TRDN: variants seen among roughly 807,000 people sequenced by gnomAD.
TRDN encodes the protein triadin in skeletal muscle.
A neutral mutation model predicts 149.7 loss-of-function variants in TRDN; 161 were observed. That is an observed-to-expected ratio of 1.08 (90% confidence interval 0.95 to 1.23). TRDN has a LOEUF of 1.23. TRDN is among the 50% of genes most tolerant of loss of function. The pLI, the probability that TRDN is intolerant of heterozygous loss-of-function variation, is 0.00. For synonymous variants in TRDN, 294 were observed against 250.5 expected (o/e 1.17, Z -1.64); for missense variants, 896 against 823.5 (o/e 1.09, Z -1.08).
intron 12 of TRDN, among the ~76,000 whole-genome samples, chr6:123,396,527 T>C (rs1357478337): frequency 6.6e-6 from 1 of 152,226 alleles, no homozygotes. Context: ...AATAGTATTT[T>C]GGACTTTTAA....
At chr6:123,256,326 T>C (rs1776561703) in intron 35 of TRDN, among the ~76,000 whole-genome samples, 1 of 152,170 alleles carries the variant, frequency 6.6e-6, no homozygotes, top group Admixed American at 6.6e-5. Context: ...ATTTTCTTTA[T>C]GCAGTCTATC....
intron 1 of TRDN, among the ~76,000 whole-genome samples, chr6:123,602,898 C>A: frequency 6.6e-6 from 1 of 152,016 alleles, no homozygotes; most frequent in South Asian, 2.1e-4. Context: ...ACATCAACGA[C>A]TTCATGCTAT....
chr6:123,558,295 C>T (rs1275772862), intron 2 of TRDN, among the ~76,000 whole-genome samples: 1 of 151,998 alleles, frequency 6.6e-6, no homozygotes, highest in Admixed American at 6.5e-5. Context: ...CCAGGCTGCT[C>T]ATCGCCAGGC....
intron 2 of TRDN, among the ~76,000 whole-genome samples, chr6:123,549,155 G>T (rs1781265038): frequency 6.6e-6 from 1 of 151,880 alleles, no homozygotes; most frequent in Admixed American, 6.6e-5. Context: ...GGAATAGGTT[G>T]GATTTATCTT....
chr6:123,524,627 A>G (rs1779856334), intron 5 of TRDN, among the ~76,000 whole-genome samples: 1 of 152,138 alleles, frequency 6.6e-6, no homozygotes, highest in African/African-American at 2.4e-5. Context: ...GAAAAGCAAA[A>G]CAAAAACAAA....
chr6:123,577,376 C>T (rs767899540), intron 1 of TRDN, among the ~76,000 whole-genome samples: 1 of 152,110 alleles, frequency 6.6e-6, no homozygotes, highest in African/African-American at 2.4e-5. Flanking sequence ...TTAGTTCCCA[C>T]TTATAAGTGA....
chr6:123,234,316 C>T (rs1562222554), intron 38 of TRDN, among the ~76,000 whole-genome samples: 2 of 151,874 alleles, frequency 1.3e-5, no homozygotes, highest in African/African-American at 4.8e-5. Flanking sequence ...TATGTGTGTG[C>T]ATTTATGTAT....
chr6:123,381,336 A>T, intron 16 of TRDN, 34 bp downstream of exon 16: 1 of 1,543,082 alleles, frequency 6.5e-7, no homozygotes, highest in Non-Finnish European at 8.8e-7. Flanking sequence ...AGTAAAAAAA[A>T]AAGTACACAA....
chr6:123,360,611 C>T (rs1300688138), intron 20 of TRDN, among the ~76,000 whole-genome samples: 1 of 151,824 alleles, frequency 6.6e-6, no homozygotes, highest in African/African-American at 2.4e-5. Context: ...GGAGCTTAGT[C>T]TTTGTGGAAG....
At chr6:123,242,237 T>G (rs1202258691) in intron 38 of TRDN, among the ~76,000 whole-genome samples, 1 of 152,186 alleles carries the variant, frequency 6.6e-6, no homozygotes, top group Non-Finnish European at 1.5e-5. Context: ...AATAATATTT[T>G]AGGATGTATT....
chr6:123,291,079 C>A (rs534026759), intron 24 of TRDN, among the ~76,000 whole-genome samples: 2 of 151,872 alleles, frequency 1.3e-5, no homozygotes, highest in African/African-American at 4.8e-5. Context: ...ATCATTTGAA[C>A]CCAAGAGGCA....
intron 9 of TRDN, among the ~76,000 whole-genome samples, chr6:123,473,566 A>G (rs1296146694): frequency 2.0e-5 from 3 of 151,934 alleles, no homozygotes; most frequent in African/African-American, 4.8e-5. Context: ...AAGGCAGGCC[A>G]ACGTTCAGAT....
At chr6:123,263,465 C>G (rs1331844612) in intron 33 of TRDN, among the ~76,000 whole-genome samples, 1 of 152,038 alleles carries the variant, frequency 6.6e-6, no homozygotes, top group Admixed American at 6.6e-5. Context: ...TTATCCAGAT[C>G]TAGCTAAGAT....
intron 12 of TRDN, among the ~76,000 whole-genome samples, chr6:123,398,194 T>G (rs1381195062): frequency 6.6e-6 from 1 of 152,132 alleles, no homozygotes; most frequent in Non-Finnish European, 1.5e-5. Context: ...TTCAGTAAAG[T>G]CAGGGTTTCA....
At chr6:123,327,416 A>G (rs1779498987) in intron 23 of TRDN, among the ~76,000 whole-genome samples, 1 of 152,126 alleles carries the variant, frequency 6.6e-6, no homozygotes, top group Non-Finnish European at 1.5e-5. Context: ...GATATTTTTT[A>G]TATGAATCTA....
chr6:123,496,634 A>C (rs941856786), intron 9 of TRDN, among the ~76,000 whole-genome samples: 1 of 152,108 alleles, frequency 6.6e-6, no homozygotes, highest in Non-Finnish European at 1.5e-5. Context: ...GATACAAGAC[A>C]AGGTAGATAT....
At chr6:123,420,108 T>C (rs952045522) in intron 12 of TRDN, among the ~76,000 whole-genome samples, 36 of 152,328 alleles carry the variant, frequency 2.4e-4, no homozygotes, top group African/African-American at 8.7e-4. Context: ...CGTAATTTAA[T>C]AGGTGGACAA....
At chr6:123,581,530 CA>C in intron 1 of TRDN, among the ~76,000 whole-genome samples, 1 of 152,240 alleles carries the variant, frequency 6.6e-6, no homozygotes, top group Non-Finnish European at 1.5e-5. Context: ...TAAAAAGTGT[CA>C]TGTTAAATAA....
chr6:123,258,120 C>A (rs983144925), intron 35 of TRDN, among the ~76,000 whole-genome samples: 1 of 151,922 alleles, frequency 6.6e-6, no homozygotes, highest in African/African-American at 2.4e-5. Flanking sequence ...TTTCAGTACC[C>A]TTTATTTATT....
Sources: allele counts gnomAD v4.1 joint callset (sites outside exome capture counted in the v4.1 genomes callset), GRCh38; gene constraint gnomAD v4.1.1; transcripts MANE v1.5; gene names NCBI Gene and HGNC (gene_info 2026-07-23, HGNC 2026-07-21).